Variants in FRMD3 observed in about 807,000 individuals in gnomAD.
The protein encoded by FRMD3 is FERM domain containing 3.
In FRMD3, 33 loss-of-function variants were observed where a neutral mutation model predicts 70.2. The observed-to-expected ratio is 0.47, with a 90% CI of 0.36 to 0.63. The LOEUF is 0.63. FRMD3 is among the 20% of genes least tolerant of loss of function. FRMD3 has a pLI of 0.00. For missense variants in FRMD3, 632 were observed against 711.4 expected (o/e 0.89, Z 1.27); for synonymous variants, 279 against 255.9 (o/e 1.09, Z -0.86).
intron 2 of FRMD3, among the ~76,000 whole-genome samples, chr9:83,388,909 C>A (rs1417555602): frequency 6.6e-6 from 1 of 150,510 alleles, no homozygotes; most frequent in Non-Finnish European, 1.5e-5. Context: ...ACCCATTAAG[C>A]AGTTATTTCT....
At chr9:83,461,141 C>T (rs895171826) in intron 1 of FRMD3, among the ~76,000 whole-genome samples, 1 of 152,158 alleles carries the variant, frequency 6.6e-6, no homozygotes, top group African/African-American at 2.4e-5. Flanking sequence ...AAGTTACTAA[C>T]CCAATTACCA....
intron 1 of FRMD3, among the ~76,000 whole-genome samples, chr9:83,517,325 C>T (rs1001402613): frequency 1.3e-5 from 2 of 151,954 alleles, no homozygotes; most frequent in Non-Finnish European, 2.9e-5. Flanking sequence ...AAACTACCAT[C>T]AGAGAATACT....
At chr9:83,511,044 A>G (rs886922805) in intron 1 of FRMD3, among the ~76,000 whole-genome samples, 3 of 152,226 alleles carry the variant, frequency 2.0e-5, no homozygotes, top group Admixed American at 6.5e-5. Flanking sequence ...TGTTCAAAAA[A>G]GAGATGTGGG....
At chr9:83,502,225 G>A (rs1829084891) in intron 1 of FRMD3, among the ~76,000 whole-genome samples, 1 of 152,186 alleles carries the variant, frequency 6.6e-6, no homozygotes, top group Non-Finnish European at 1.5e-5. Flanking sequence ...GGTCCCTGCT[G>A]TGTACCGGGT....
intron 1 of FRMD3, among the ~76,000 whole-genome samples, chr9:83,453,884 T>G (rs1827740682): frequency 6.6e-6 from 1 of 151,828 alleles, no homozygotes; most frequent in African/African-American, 2.4e-5. Flanking sequence ...CCTGGCTAAT[T>G]TTTTGTATTT....
chr9:83,327,790 T>C (rs1224662115), intron 6 of FRMD3, among the ~76,000 whole-genome samples: 1 of 152,214 alleles, frequency 6.6e-6, no homozygotes, highest in Non-Finnish European at 1.5e-5. Flanking sequence ...GATTTTGTAA[T>C]TTAGCCAGCT....
In FRMD3 at chr9:83,469,858, C is replaced by T. The variant is rs1344797486; in HGVS notation, c.147+68227G>A. 2.6e-5 allele frequency among the ~76,000 whole-genome samples: 4 copies of T among 152,236 alleles called. No individual in the cohort carries two copies. In the East Asian group the frequency reaches 5.8e-4, roughly 22 times the overall value. On this transcript the variant is annotated intron_variant, in intron 1 of 13. Coordinates refer to ENST00000304195, the MANE Select transcript of FRMD3 (RefSeq NM_174938.6). ...GATCTCAGAAAACTAAGATGGGGGG[C>T]GGGGAGAAAGCCCGCAGGAGCAGCT...
chr9:83,244,182 G>GAT (rs1021050929), downstream of FRMD3, among the ~76,000 whole-genome samples: 1 of 151,734 alleles, frequency 6.6e-6, no homozygotes, highest in Non-Finnish European at 1.5e-5. Flanking sequence ...TGCGTGAACA[G>GAT]ATAGAGAAGT....
At chr9:83,495,241 C>T (rs1828918213) in intron 1 of FRMD3, among the ~76,000 whole-genome samples, 1 of 152,076 alleles carries the variant, frequency 6.6e-6, no homozygotes, top group Non-Finnish European at 1.5e-5. Flanking sequence ...GGGGAGGGTC[C>T]TGGAAGCAAG....
intron 2 of FRMD3, among the ~76,000 whole-genome samples, chr9:83,389,211 G>T (rs989885244): frequency 6.6e-6 from 1 of 152,070 alleles, no homozygotes; most frequent in Non-Finnish European, 1.5e-5. Flanking sequence ...GCCTCCCAAA[G>T]TGCTGGGATT....
intron 13 of FRMD3, among the ~76,000 whole-genome samples, chr9:83,253,700 A>G (rs1336789610): frequency 2.6e-5 from 4 of 152,228 alleles, no homozygotes; most frequent in Non-Finnish European, 5.9e-5. Context: ...TGTGGAAGAC[A>G]GTGTGGCAAT....
the FRMD3 span, among the ~76,000 whole-genome samples, chr9:83,561,918 TCA>T: frequency 6.6e-6 from 1 of 152,148 alleles, no homozygotes; most frequent in Non-Finnish European, 1.5e-5. Flanking sequence ...GCACCACAAT[TCA>T]CTGTGTATGT....
At chr9:83,281,595 C>T (rs1272270060) in intron 13 of FRMD3, 1 of 152,210 alleles carries the variant, frequency 6.6e-6, no homozygotes, top group African/African-American at 2.4e-5. Context: ...TGAATTGCTT[C>T]CACGAAGACA....
intron 1 of FRMD3, among the ~76,000 whole-genome samples, chr9:83,444,615 G>A (rs1378394986): frequency 6.6e-6 from 1 of 152,208 alleles, no homozygotes; most frequent in Non-Finnish European, 1.5e-5. Flanking sequence ...TTGACCCAAA[G>A]TGATCACCTA....
At chr9:83,259,423 A>G (rs1832884320) in intron 13 of FRMD3, among the ~76,000 whole-genome samples, 1 of 152,096 alleles carries the variant, frequency 6.6e-6, no homozygotes, top group Admixed American at 6.6e-5. Context: ...GGCACATGTC[A>G]CCACCCTGCG....
the FRMD3 span, among the ~76,000 whole-genome samples, chr9:83,580,225 G>T: frequency 6.6e-6 from 1 of 151,962 alleles, no homozygotes; most frequent in Admixed American, 6.6e-5. Flanking sequence ...ATTGTGTGTA[G>T]GTTGCTCAAA....
intron 1 of FRMD3, among the ~76,000 whole-genome samples, chr9:83,469,453 C>T (rs952017959): frequency 6.6e-6 from 1 of 152,122 alleles, no homozygotes; most frequent in African/African-American, 2.4e-5. Flanking sequence ...AGGGAGAATT[C>T]GAATTGTCAA....
intron 13 of FRMD3, among the ~76,000 whole-genome samples, chr9:83,250,210 G>GA (rs1832336552): frequency 6.6e-6 from 1 of 151,660 alleles, no homozygotes; most frequent in African/African-American, 2.4e-5. Flanking sequence ...ACCCCACCCC[G>GA]ACCCCCAGCC....
At chr9:83,484,759 G>A (rs1828648147) in intron 1 of FRMD3, among the ~76,000 whole-genome samples, 1 of 152,170 alleles carries the variant, frequency 6.6e-6, no homozygotes, top group Non-Finnish European at 1.5e-5. Flanking sequence ...CCAATGAATA[G>A]ACATGTAAGA....
Sources: allele counts gnomAD v4.1 joint callset (sites outside exome capture counted in the v4.1 genomes callset), GRCh38; gene constraint gnomAD v4.1.1; transcripts MANE v1.5; gene names NCBI Gene and HGNC (gene_info 2026-07-23, HGNC 2026-07-21).